Variants in NKAIN3 observed in about 807,000 individuals in gnomAD.
NKAIN3 encodes sodium/potassium transporting ATPase interacting 3.
Under a neutral mutation model 30.2 loss-of-function variants are expected in NKAIN3, and 25 were observed. The observed-to-expected ratio is 0.83, with a 90% CI of 0.60 to 1.16. The LOEUF is 1.16. NKAIN3 is among the 50% of genes most tolerant of loss of function. The pLI is 0.00. For missense variants in NKAIN3, 225 were observed against 254.1 expected, an observed-to-expected ratio of 0.89 and a Z score of 0.78; for synonymous variants, 91 against 89.6, an observed-to-expected ratio of 1.02 and a Z score of -0.09.
intron 2 of NKAIN3, 49 bp downstream of exon 2, chr8:62,579,725 C>G (rs773091457): frequency 9.1e-7 from 1 of 1,102,628 alleles, no homozygotes; most frequent in South Asian, 2.8e-5. Flanking sequence ...TTCAAAATTT[C>G]TATAAGAATA....
chr8:62,470,999 AAC>A (rs1418875812), intron 1 of NKAIN3, among the ~76,000 whole-genome samples: 5 of 152,192 alleles, frequency 3.3e-5, no homozygotes, highest in Non-Finnish European at 7.3e-5. Flanking sequence ...AAAAAACTAA[AAC>A]ACACAGACAT....
chr8:62,948,288 C>G (rs1181870121), intron 5 of NKAIN3, among the ~76,000 whole-genome samples: 1 of 151,960 alleles, frequency 6.6e-6, no homozygotes, highest in Non-Finnish European at 1.5e-5. Context: ...CAACCTCCTC[C>G]TCGAGGGTTC....
intron 4 of NKAIN3, chr8:62,855,753 C>T (rs1251700624): frequency 7.5e-7 from 1 of 1,335,574 alleles, no homozygotes; most frequent in Non-Finnish European, 1.1e-6. Flanking sequence ...TCTGGAGTTG[C>T]CATGACTTTC....
chr8:62,828,425 A>G (rs192913618), intron 4 of NKAIN3, among the ~76,000 whole-genome samples: 1 of 152,234 alleles, frequency 6.6e-6, no homozygotes, highest in African/African-American at 2.4e-5. Flanking sequence ...ATACAAAAAA[A>G]GAATTAAAAA....
chr8:62,577,840 G>A (rs868453024), intron 1 of NKAIN3, among the ~76,000 whole-genome samples: 1 of 151,888 alleles, frequency 6.6e-6, no homozygotes, highest in African/African-American at 2.4e-5. Context: ...GGAAATACCC[G>A]TGAAATGAAT....
chr8:62,290,885 G>A (rs1182632764), intron 1 of NKAIN3, among the ~76,000 whole-genome samples: 1 of 152,052 alleles, frequency 6.6e-6, no homozygotes, highest in Non-Finnish European at 1.5e-5. Context: ...TTTTTGGTTG[G>A]TAGGCTATTC....
chr8:62,866,170 G>A (rs1820407480), intron 4 of NKAIN3, among the ~76,000 whole-genome samples: 1 of 152,136 alleles, frequency 6.6e-6, no homozygotes, highest in South Asian at 2.1e-4. Context: ...CCTCCTCTGG[G>A]CACTGTAACT....
At chr8:62,698,049 CATAAT>C (rs1341245050) in intron 3 of NKAIN3, among the ~76,000 whole-genome samples, 1 of 151,398 alleles carries the variant, frequency 6.6e-6, no homozygotes, top group East Asian at 1.9e-4. Flanking sequence ...AAAGAGAAAA[CATAAT>C]GTAATAAAAT....
chr8:62,978,868 T>C lies in NKAIN3; in HGVS notation c.*13461T>C, dbSNP rs1824010350. The C allele has an allele frequency of 6.5e-6, 1 of 154,346 alleles. No homozygotes were observed. Among genetic ancestry groups the C allele is most frequent in the African/African-American group, 2.4e-5 (1 of 41,488 alleles). 9.6% of individuals were successfully genotyped at this position (154,346 alleles called of 1,614,324 possible). On this transcript the variant is annotated 3_prime_UTR_variant, in exon 7 of 7. Transcript: ENST00000623646. ...TGTAGGCACCCAAGGGATCTCCTTG[T>C]CTGTGGATTGCGAAGACCATGGGAA... is the stretch of plus-strand genomic sequence containing the variant.
At chr8:62,936,399 G>T (rs2130877598) in intron 5 of NKAIN3, among the ~76,000 whole-genome samples, 1 of 152,254 alleles carries the variant, frequency 6.6e-6, no homozygotes, top group East Asian at 1.9e-4. Flanking sequence ...GAATTACAGT[G>T]GAGCCTGGGA....
At chr8:62,987,718 G>C (rs1288357755), downstream of NKAIN3, among the ~76,000 whole-genome samples, 3 of 152,054 alleles carry the variant, frequency 2.0e-5, no homozygotes, top group Admixed American at 6.5e-5. Flanking sequence ...GATGAGATTT[G>C]GGTGGGGAAC....
chr8:62,671,856 A>T (rs1033251557), intron 3 of NKAIN3, among the ~76,000 whole-genome samples: 1 of 152,066 alleles, frequency 6.6e-6, no homozygotes, highest in Non-Finnish European at 1.5e-5. Flanking sequence ...TGTGACTGTC[A>T]TACCCACATA....
At chr8:62,346,548 A>T (rs1816013139) in intron 1 of NKAIN3, among the ~76,000 whole-genome samples, 1 of 152,096 alleles carries the variant, frequency 6.6e-6, no homozygotes. Flanking sequence ...GAGCTTTGAG[A>T]TCATATACAT....
At chr8:62,500,463 A>AAG (rs1807399737) in intron 1 of NKAIN3, among the ~76,000 whole-genome samples, 1 of 143,006 alleles carries the variant, frequency 7.0e-6, no homozygotes, top group African/African-American at 2.8e-5. Flanking sequence ...GAAAGAAAGA[A>AAG]AGAAAGAAAG....
intron 1 of NKAIN3, among the ~76,000 whole-genome samples, chr8:62,375,242 A>G (rs1171294059): frequency 6.6e-6 from 1 of 152,236 alleles, no homozygotes; most frequent in African/African-American, 2.4e-5. Context: ...CATCAGGCCT[A>G]TATTCTTCAC....
chr8:62,589,278 A>G (rs1810578450), intron 2 of NKAIN3, among the ~76,000 whole-genome samples: 1 of 151,818 alleles, frequency 6.6e-6, no homozygotes, highest in African/African-American at 2.4e-5. Flanking sequence ...TACTCCACGC[A>G]TGTTTTCTTC....
intron 4 of NKAIN3, among the ~76,000 whole-genome samples, chr8:62,802,780 T>G (rs1011702769): frequency 1.3e-5 from 2 of 152,194 alleles, no homozygotes; most frequent in African/African-American, 4.8e-5. Context: ...ACTTTAAATG[T>G]AAATGGACTT....
chr8:62,944,159 C>CAT (rs953065096), intron 5 of NKAIN3, among the ~76,000 whole-genome samples: 7 of 152,022 alleles, frequency 4.6e-5, no homozygotes, highest in Non-Finnish European at 1.0e-4. Flanking sequence ...CCCATTGAAA[C>CAT]ATATATATAT....
At chr8:62,805,840 G>T (rs1463723079) in intron 4 of NKAIN3, among the ~76,000 whole-genome samples, 6 of 152,142 alleles carry the variant, frequency 3.9e-5, no homozygotes, top group Non-Finnish European at 4.4e-5. Flanking sequence ...CACAGCAAAA[G>T]AAACTACCAT....
Sources: gnomAD v4.1 joint callset for allele counts (sites outside exome capture counted in the v4.1 genomes callset) on GRCh38, gnomAD v4.1.1 for gene constraint, MANE v1.5 for transcripts, NCBI Gene and HGNC (gene_info 2026-07-23, HGNC 2026-07-21) for gene names.